GFM2: variants seen among roughly 807,000 people sequenced by gnomAD.
GFM2 encodes the protein GTP dependent ribosome recycling factor mitochondrial 2.
GFM2 carries 72 observed loss-of-function variants against 95.4 expected under a neutral mutation model. The observed-to-expected ratio is 0.76, with a 90% CI of 0.62 to 0.92. The LOEUF (loss-of-function observed/expected upper bound fraction) is 0.92. GFM2 is among the 40% of genes least tolerant of loss of function. The probability of loss-of-function intolerance (pLI) is 0.00; values close to 1 mark genes in which losing one functional copy is unlikely to be tolerated. For synonymous variants in GFM2, 276 were observed against 317.5 expected, an observed-to-expected ratio of 0.87 and a Z score of 1.39; for missense variants, 825 against 924.1, an observed-to-expected ratio of 0.89 and a Z score of 1.39.
chr5:74,721,836 CTCT>C (rs1280151905), intron 20 of GFM2, 53 bp from the exon 21 acceptor site: 70 of 1,517,880 alleles, frequency 4.6e-5, no homozygotes, highest in Non-Finnish European at 5.9e-5. Flanking sequence ...CCTCAAGTTT[CTCT>C]TCCTGCTGAT....
At chr5:74,757,777 T>C (rs1744072554) in intron 5 of GFM2, among the ~76,000 whole-genome samples, 1 of 147,450 alleles carries the variant, frequency 6.8e-6, no homozygotes, top group Non-Finnish European at 1.5e-5. Context: ...TAAAAAGGAA[T>C]CTTGACACAT....
At chr5:74,765,683 T>G (rs1580038607) in intron 1 of GFM2, among the ~76,000 whole-genome samples, 1 of 152,032 alleles carries the variant, frequency 6.6e-6, no homozygotes, top group East Asian at 1.9e-4. Flanking sequence ...GAGATCACCT[T>G]AGAAAATGGA....
chr5:74,740,673 C>T (rs1009429492), intron 11 of GFM2, among the ~76,000 whole-genome samples: 1 of 152,086 alleles, frequency 6.6e-6, no homozygotes, highest in African/African-American at 2.4e-5. Context: ...ATTGTGAGCT[C>T]TCTGAAAACA....
chr5:74,760,275 C>T (rs1744210037), intron 3 of GFM2, among the ~76,000 whole-genome samples: 1 of 152,092 alleles, frequency 6.6e-6, no homozygotes, highest in Non-Finnish European at 1.5e-5. Flanking sequence ...AATAACGTAG[C>T]CCATTAAATT....
intron 2 of GFM2, among the ~76,000 whole-genome samples, chr5:74,761,750 T>G (rs1744292413): frequency 6.6e-6 from 1 of 152,178 alleles, no homozygotes; most frequent in African/African-American, 2.4e-5. Flanking sequence ...CATGTTCTCA[T>G]GTAAAGGCTG....
At chr5:74,743,600 T>C (rs1323527236) in intron 10 of GFM2, among the ~76,000 whole-genome samples, 1 of 152,206 alleles carries the variant, frequency 6.6e-6, no homozygotes, top group East Asian at 1.9e-4. Context: ...CAAGTGTGTG[T>C]TGGCTCCTCA....
At position 74,725,728 on chromosome 5, in the gene GFM2, T is replaced by G. The variant is rs1750114523; in HGVS notation, c.1940A>C (p.Asp647Ala). The G allele has an allele frequency of 1.2e-6, 2 of 1,613,506 alleles. No individual in the cohort carries two copies. Among genetic ancestry groups the G allele is most frequent in the Non-Finnish European group, 1.7e-6 (2 of 1,179,680 alleles). Reference sequence around the variant, plus strand: ...CAGGGAATGTAAAGTAATTGCTACATCCTGAATTGGGGATCCAAGCAATGG... The same window carrying G: ...CAGGGAATGTAAAGTAATTGCTACAGCCTGAATTGGGGATCCAAGCAATGG... ...QGPLLGSPIQ[D>A]VAITLHSLTI... is the part of the protein sequence containing the mutation. Residue 647 changes from aspartate (D) to alanine (A), a missense_variant, in exon 19 of 21, where the codon GAT (aspartate) becomes GCT (alanine). Physicochemically the swap from Asp to Ala is moderately radical, Grantham distance 126. Transcript: ENST00000296805.
intron 11 of GFM2, 66 bp downstream of exon 11, chr5:74,741,463 G>T: frequency 1.3e-6 from 1 of 755,888 alleles, no homozygotes; most frequent in Non-Finnish European, 2.3e-6. Context: ...ACACATCAAA[G>T]GCAGAGAAAT....
At chr5:74,732,152 T>G (rs952750343) in intron 16 of GFM2, among the ~76,000 whole-genome samples, 14 of 138,350 alleles carry the variant, frequency 1.0e-4, no homozygotes, top group Non-Finnish European at 1.7e-4. Context: ...TTTTTTTTTT[T>G]GTAGAGACAG....
chr5:74,766,392 C>A (rs1390298296), intron 1 of GFM2, among the ~76,000 whole-genome samples: 1 of 152,232 alleles, frequency 6.6e-6, no homozygotes, highest in Non-Finnish European at 1.5e-5. Flanking sequence ...TGGTACAGTT[C>A]TTTTTGTTCA....
intron 16 of GFM2, among the ~76,000 whole-genome samples, chr5:74,732,615 C>T (rs1742629608): frequency 6.6e-6 from 1 of 152,120 alleles, no homozygotes; most frequent in Admixed American, 6.6e-5. Flanking sequence ...TAATCTATCA[C>T]TTCTCTCCCA....
chr5:74,755,190 T>C (rs1743919222), intron 5 of GFM2, among the ~76,000 whole-genome samples: 1 of 152,136 alleles, frequency 6.6e-6, no homozygotes, highest in Non-Finnish European at 1.5e-5. Context: ...GAATATATAT[T>C]CTATACATCA....
intron 19 of GFM2, 33 bp from the exon 20 acceptor site, chr5:74,722,594 CATAA>C (rs1457969129): frequency 9.6e-6 from 15 of 1,555,680 alleles, no homozygotes; most frequent in Non-Finnish European, 1.3e-5. Flanking sequence ...ACTTATCTTT[CATAA>C]ATAAAAACTT....
intron 6 of GFM2, 91 bp downstream of exon 6, chr5:74,751,277 T>C: frequency 7.6e-7 from 1 of 1,323,476 alleles, no homozygotes; most frequent in Non-Finnish European, 1.0e-6. Flanking sequence ...ACATGTTTTT[T>C]TACCACAATA....
At chr5:74,732,436 C>T (rs1277130782) in intron 16 of GFM2, among the ~76,000 whole-genome samples, 1 of 151,992 alleles carries the variant, frequency 6.6e-6, no homozygotes, top group Non-Finnish European at 1.5e-5. Flanking sequence ...TTTTAAGAAA[C>T]TCCTTCTAAA....
chr5:74,733,047 A>C lies in GFM2; in HGVS notation c.1562T>G (p.Val521Gly). 3 of 1,612,252 alleles carry C rather than the reference A, an allele frequency of 1.9e-6. No individual in the cohort carries two copies. Among genetic ancestry groups the C allele is most frequent in the Non-Finnish European group, 2.5e-6 (3 of 1,178,666 alleles). ...CLQREDPSLKVRLDPDSGQTV... is the reference protein window; with the variant it reads ...CLQREDPSLKGRLDPDSGQTV... ...TTGTCCAGAGTCAGGATCTAGCCTC[A>C]CTTTCAAACTGGGATCTTCACGCTG... The change falls in exon 16 of 21, where the codon GTG becomes GGG. Residue 521 changes from valine to glycine, a missense_variant. Val to Gly is a moderately radical substitution (Grantham distance 109). Transcript: ENST00000296805.
At position 74,730,332 on chromosome 5, in the gene GFM2, C is replaced by T; in HGVS notation, c.1654G>A (p.Gly552Arg). ...AGAGGCCCGAGATAGGTCTCCAGTCCATATTCCCTCTTGATTCGATCATGA... is the reference window on the plus strand; with the variant it reads ...AGAGGCCCGAGATAGGTCTCCAGTCTATATTCCCTCTTGATTCGATCATGA... ...IIHDRIKREYGLETYLGPLQV... is the reference protein window; with the variant it reads ...IIHDRIKREYRLETYLGPLQV... Residue 552 changes from glycine to arginine, a missense_variant, in exon 17 of 21, where the codon GGA (glycine) becomes AGA (arginine). By Grantham distance (125) the Gly-to-Arg change is moderately radical. Coordinates refer to ENST00000296805, the MANE Select transcript of GFM2 (RefSeq NM_032380.5). 7.4e-6 allele frequency: 12 copies of T among 1,612,348 alleles called. No homozygotes were observed. Among genetic ancestry groups the T allele is most frequent in the Non-Finnish European group, 1.0e-5 (12 of 1,178,502 alleles).
chr5:74,736,594 A>T, intron 15 of GFM2: 1 of 1,413,306 alleles, frequency 7.1e-7, no homozygotes, highest in South Asian at 1.6e-5. Context: ...AAGAATGGCC[A>T]AGAAATAAGA....
chr5:74,763,867 A>G (rs1000441223), intron 1 of GFM2, 101 bp from the exon 2 acceptor site: 2 of 577,088 alleles, frequency 3.5e-6, no homozygotes, highest in East Asian at 2.9e-5. Context: ...GGTAAAATGT[A>G]TTACTTTTAA....
Sources: gnomAD v4.1 joint callset for allele counts (sites outside exome capture counted in the v4.1 genomes callset) on GRCh38, gnomAD v4.1.1 for gene constraint, MANE v1.5 for transcripts, NCBI Gene and HGNC (gene_info 2026-07-23, HGNC 2026-07-21) for gene names.